The following POLR2C variants were observed in gnomAD, a reference collection of about 807,000 sequenced individuals.
POLR2C encodes the protein DNA-directed RNA polymerase II subunit RPB3.
A neutral mutation model predicts 41.7 loss-of-function variants in POLR2C; 36 were observed. That is an observed-to-expected ratio of 0.86 (90% CI 0.66 to 1.14). The LOEUF (loss-of-function observed/expected upper bound fraction) is 1.14, where lower values mean the gene tolerates loss of function less well. Ranked by LOEUF, POLR2C falls within the 50% of genes most tolerant of loss-of-function variation. The pLI is 0.00. For synonymous variants in POLR2C, 133 were observed against 137.8 expected (o/e 0.96, Z 0.25); for missense variants, 260 against 350.4 (o/e 0.74, Z 2.06).
rs1383998432 is a variant in POLR2C at position 57,462,698 on chromosome 16, C to G, written c.-27C>G. 2.6e-6 allele frequency: 4 copies of G among 1,555,594 alleles called. No homozygotes were observed. The highest frequency in any genetic ancestry group is 1.4e-5 in the African/African-American group (1 of 72,674). ...CGCCGCGCAGTCACCGCGGAGCAGA[C>G]GCGGAGGCTGGTGGCCCCTGGGCGA... On this transcript the variant is annotated 5_prime_UTR_variant, in exon 1 of 9. Coordinates refer to ENST00000219252, the MANE Select transcript of POLR2C (RefSeq NM_032940.3).
intron 8 of POLR2C, 162 bp downstream of exon 8, chr16:57,470,516 G>A (rs1372835051): frequency 3.3e-6 from 2 of 597,104 alleles, no homozygotes; most frequent in East Asian, 2.9e-5. Context: ...CACATCCCAG[G>A]GGCAGGTCGT....
At position 57,470,263 on chromosome 16, in the gene POLR2C, CCTG is replaced by C; in HGVS notation, c.609-16_609-14del. ...AGGAGCAGTGGCAACCTTGTGCTGA[CCTG>C]TGTTTGACCTCAGGCCAAAGAGTGA... On this transcript the variant is annotated splice_polypyrimidine_tract_variant and intron_variant, in intron 7 of 8. Coordinates refer to ENST00000219252, the MANE Select transcript of POLR2C (RefSeq NM_032940.3). 1.2e-6 allele frequency: 2 copies of C among 1,612,250 alleles called. No homozygotes were observed. The highest frequency in any genetic ancestry group is 1.7e-6 in the Non-Finnish European group (2 of 1,178,848).
Position 57,469,575 on chromosome 16 carries a change from G to A in POLR2C, c.388-135G>A. On this transcript the variant is annotated intron_variant, in intron 5 of 8. Transcript: ENST00000219252. This position sits in a 1 kb window ranked among gnomAD's most constrained non-coding sequence, Gnocchi z 5.8. ...TGAAGTGGGGGTTGGAGTCCTGGGG[G>A]CATCTGTGCCACCACCTCGTCAGGT... 1.2e-6 allele frequency: 1 copy of A among 814,390 alleles called. No homozygotes were observed. Among genetic ancestry groups the A allele is most frequent in the Non-Finnish European group, 2.1e-6 (1 of 473,598 alleles). 50.4% of individuals were successfully genotyped at this position (814,390 alleles called of 1,614,324 possible).
intron 4 of POLR2C, among the ~76,000 whole-genome samples, chr16:57,468,656 G>A (rs1176799978): frequency 2.6e-5 from 4 of 152,212 alleles, no homozygotes; most frequent in Admixed American, 6.5e-5. Flanking sequence ...TTCTCTATTT[G>A]TGTATATGTA....
In POLR2C at chr16:57,469,074, C is replaced by A; in HGVS notation, c.259-91C>A. On this transcript the variant is annotated intron_variant, in intron 4 of 8. Coordinates refer to ENST00000219252, the MANE Select transcript of POLR2C (RefSeq NM_032940.3). The surrounding 1 kb of genome is among the most constrained non-coding windows in gnomAD (Gnocchi z 5.8). The stretch of plus-strand genomic sequence containing the variant: ...TTTACAGGTGAAGAAACTTAAGGAA[C>A]TGGGCATTAGATGCAGGAAGCCAAG... The A allele has an allele frequency of 7.6e-7, 1 of 1,307,800 alleles. No homozygotes were observed. The highest frequency in any genetic ancestry group is 1.1e-6 in the Non-Finnish European group (1 of 924,788). The allele number at this position is 1,307,800 out of a possible 1,614,324, so 81.0% of individuals were successfully genotyped here. A position where few individuals can be genotyped will look rare whatever the true frequency, so the allele number is the denominator to read the frequency against.
intron 1 of POLR2C, 92 bp downstream of exon 1, chr16:57,462,902 G>A: frequency 2.6e-6 from 3 of 1,163,114 alleles, no homozygotes; most frequent in Non-Finnish European, 2.5e-6. Flanking sequence ...GTAGTGGGGT[G>A]GGGTGGGGGC....
In POLR2C at chr16:57,465,086, C is replaced by G. The variant is rs59745791; in HGVS notation, c.137-867C>G. Among the ~76,000 whole-genome samples the G allele has an allele frequency of 2.4e-3, 366 of 152,174 alleles. 1 individual carries two copies. The highest frequency in any genetic ancestry group is 8.5e-3 in the East Asian group (44 of 5,176). The stretch of plus-strand genomic sequence containing the variant: ...TTTCAGGAGGCACAGAGGATCTTAA[C>G]CTGTACAGCAAGGAGGGGAAGGGTG... On this transcript the variant is annotated intron_variant, in intron 2 of 8. Transcript: ENST00000219252.
chr16:57,469,478 G>C lies in POLR2C; in HGVS notation c.387+185G>C. On this transcript the variant is annotated intron_variant, in intron 5 of 8. Coordinates refer to ENST00000219252, the MANE Select transcript of POLR2C (RefSeq NM_032940.3). The surrounding 1 kb of genome is among the most constrained non-coding windows in gnomAD (Gnocchi z 5.8). ...GGGCATCGTTAGCATCGTTGGTGCT[G>C]CGCACCCTCTATCACCCAGGGACTC... The C allele has an allele frequency of 1.3e-6, 1 of 746,100 alleles. No individual in the cohort carries two copies. Among genetic ancestry groups the C allele is most frequent in the South Asian group, 1.6e-5 (1 of 61,946 alleles). 46.2% of individuals were successfully genotyped at this position (746,100 alleles called of 1,614,324 possible).
chr16:57,468,491 T>A (rs2030758432), intron 4 of POLR2C, among the ~76,000 whole-genome samples: 1 of 152,244 alleles, frequency 6.6e-6, no homozygotes, highest in African/African-American at 2.4e-5. Flanking sequence ...GAGAACAGCT[T>A]GCTTGATTGC....
At chr16:57,466,313 C>G (rs1263663824) in intron 4 of POLR2C, 86 bp downstream of exon 4, 23 of 856,304 alleles carry the variant, frequency 2.7e-5, no homozygotes, top group Middle Eastern at 2.3e-4. Flanking sequence ...TGGCATCCAG[C>G]TTGAATACTG....
In POLR2C at chr16:57,471,172, TG is replaced by T. The variant is rs2030826427; in HGVS notation, c.*58del. On this transcript the variant is annotated 3_prime_UTR_variant, in exon 9 of 9. Coordinates refer to ENST00000219252, the MANE Select transcript of POLR2C (RefSeq NM_032940.3). Reference sequence around the variant, plus strand: ...GGAGATTCAGGCCAGCAGCTGGATATGGGGGTCTCTCTTCAGACTCTTCTCG... The same window carrying T: ...GGAGATTCAGGCCAGCAGCTGGATATGGGGTCTCTCTTCAGACTCTTCTCG... 6.6e-7 allele frequency: 1 copy of T among 1,510,116 alleles called. No individual in the cohort carries two copies. The highest frequency in any genetic ancestry group is 2.3e-5 in the East Asian group (1 of 44,368). 93.5% of individuals were successfully genotyped at this position (1,510,116 alleles called of 1,614,324 possible). A position where few individuals can be genotyped will look rare whatever the true frequency, so the allele number is the denominator to read the frequency against.
intron 2 of POLR2C, chr16:57,463,382 A>C: frequency 1.9e-6 from 1 of 526,648 alleles, no homozygotes; most frequent in Non-Finnish European, 3.4e-6. Context: ...AGTTTTTAAA[A>C]TGTTTTCAAC....
At chr16:57,468,669 A>C (rs1359497596) in intron 4 of POLR2C, among the ~76,000 whole-genome samples, 4 of 152,244 alleles carry the variant, frequency 2.6e-5, no homozygotes, top group Non-Finnish European at 5.9e-5. Flanking sequence ...TATATGTATG[A>C]AATTTTCCAT....
In POLR2C at chr16:57,465,901, C is replaced by G. The variant is rs1029482334; in HGVS notation, c.137-52C>G. On this transcript the variant is annotated intron_variant, in intron 2 of 8. Transcript: ENST00000219252. ...AATCTTGAGAACCACTGCATTAAGTCTGTAGGTAAATTTGATGGCTAAACT... is the reference window on the plus strand; with the variant it reads ...AATCTTGAGAACCACTGCATTAAGTGTGTAGGTAAATTTGATGGCTAAACT... The G allele has an allele frequency of 1.4e-5, 15 of 1,100,618 alleles. No individual in the cohort carries two copies. In the East Asian group the frequency reaches 3.1e-4, roughly 22 times the overall value. The allele number at this position is 1,100,618 out of a possible 1,614,324, so 68.2% of individuals were successfully genotyped here.
intron 8 of POLR2C, 73 bp downstream of exon 8, chr16:57,470,427 G>C: frequency 9.2e-7 from 1 of 1,088,076 alleles, no homozygotes; most frequent in Non-Finnish European, 1.4e-6. Flanking sequence ...CGTGAGTTAG[G>C]CATTCCCTCT....
At chr16:57,468,434 A>T (rs1299214654) in intron 4 of POLR2C, among the ~76,000 whole-genome samples, 1 of 145,354 alleles carries the variant, frequency 6.9e-6, no homozygotes, top group Non-Finnish European at 1.5e-5. Flanking sequence ...CTTCCTCAGC[A>T]TGCAAACATC....
In POLR2C at chr16:57,462,694, C is replaced by T. The variant is rs367792212; in HGVS notation, c.-31C>T. On this transcript the variant is annotated 5_prime_UTR_variant, in exon 1 of 9. Transcript: ENST00000219252. The stretch of plus-strand genomic sequence containing the variant: ...GTGGCGCCGCGCAGTCACCGCGGAG[C>T]AGACGCGGAGGCTGGTGGCCCCTGG... 2.1e-5 allele frequency: 33 copies of T among 1,537,528 alleles called. No individual in the cohort carries two copies. Among genetic ancestry groups the T allele is most frequent in the East Asian group, 4.7e-5 (2 of 42,236 alleles).
Position 57,462,713 on chromosome 16 carries a change from C to T in POLR2C, c.-12C>T, listed in dbSNP as rs368537025. 96 of 1,583,644 alleles carry T rather than the reference C, an allele frequency of 6.1e-5. No individual in the cohort carries two copies. The highest frequency in any genetic ancestry group is 1.1e-4 in the African/African-American group (8 of 73,028). On this transcript the variant is annotated 5_prime_UTR_variant, in exon 1 of 9. Coordinates refer to ENST00000219252, the MANE Select transcript of POLR2C (RefSeq NM_032940.3). ...GCGGAGCAGACGCGGAGGCTGGTGGCCCCTGGGCGAGATGCCGTACGCCAA... is the reference window on the plus strand; with the variant it reads ...GCGGAGCAGACGCGGAGGCTGGTGGTCCCTGGGCGAGATGCCGTACGCCAA...
At chr16:57,466,619 G>A (rs139431285) in intron 4 of POLR2C, among the ~76,000 whole-genome samples, 52 of 152,326 alleles carry the variant, frequency 3.4e-4, no homozygotes, top group Non-Finnish European at 6.8e-4. Context: ...TAGTCCTGGT[G>A]TCTGCAGATT....
Sources: allele counts gnomAD v4.1 joint callset (sites outside exome capture counted in the v4.1 genomes callset), GRCh38; gene constraint gnomAD v4.1.1; non-coding constraint Gnocchi (gnomAD v3.1); transcripts MANE v1.5; gene names NCBI Gene and HGNC (gene_info 2026-07-23, HGNC 2026-07-21).